REC114: variants seen among roughly 807,000 people sequenced by gnomAD.
REC114 encodes REC114 meiotic recombination protein.
A neutral mutation model predicts 31.3 loss-of-function variants in REC114; 27 were observed. The ratio of observed to expected loss-of-function variants is 0.86; its 90% CI spans 0.64 to 1.19. REC114 has a LOEUF of 1.19. Ranked by LOEUF, REC114 falls within the 50% of genes most tolerant of loss-of-function variation. The probability of loss-of-function intolerance (pLI) is 0.00; values close to 1 mark genes in which losing one functional copy is unlikely to be tolerated. For synonymous variants in REC114, 134 were observed against 127.7 expected, an observed-to-expected ratio of 1.05 and a Z score of -0.33; for missense variants, 344 against 326.9, an observed-to-expected ratio of 1.05 and a Z score of -0.40.
chr15:73,529,090 T>G (rs955094945), intron 2 of REC114, among the ~76,000 whole-genome samples: 5 of 152,024 alleles, frequency 3.3e-5, no homozygotes, highest in African/African-American at 1.2e-4. Context: ...ATTTTGTGAT[T>G]ATATTTTAAG....
At chr15:73,532,658 A>G (rs1005107803) in intron 2 of REC114, among the ~76,000 whole-genome samples, 11 of 152,194 alleles carry the variant, frequency 7.2e-5, no homozygotes, top group Admixed American at 7.2e-4. Flanking sequence ...AAGGCAGGCC[A>G]ACGTTCAGAT....
chr15:73,484,889 A>C (rs913911007), intron 2 of REC114, among the ~76,000 whole-genome samples: 5 of 152,284 alleles, frequency 3.3e-5, no homozygotes, highest in Non-Finnish European at 5.9e-5. Flanking sequence ...ACCCGGCCCA[A>C]ATGTTCTTCC....
intron 2 of REC114, among the ~76,000 whole-genome samples, chr15:73,507,425 ATTC>A (rs1406977449): frequency 2.0e-5 from 3 of 152,058 alleles, no homozygotes; most frequent in Admixed American, 6.6e-5. Flanking sequence ...GCCCAAGACA[ATTC>A]TTCTTCCAAG....
chr15:73,497,702 A>G lies in REC114; in HGVS notation c.249+23781A>G, dbSNP rs552700047. On this transcript the variant is annotated intron_variant, in intron 2 of 5. Transcript: ENST00000331090. Reference sequence around the variant, plus strand: ...GTAATATTGTCATTATTTTATTGCTAAATGCCACAATAGGTATTCAGAGAA... The same window carrying G: ...GTAATATTGTCATTATTTTATTGCTGAATGCCACAATAGGTATTCAGAGAA... 4.0e-4 allele frequency among the ~76,000 whole-genome samples: 61 copies of G among 152,344 alleles called. No homozygotes were observed. The South Asian group carries it at 5.6e-3, about 14-fold the overall frequency.
At chr15:73,481,809 C>T (rs565239056) in intron 2 of REC114, among the ~76,000 whole-genome samples, 2 of 151,982 alleles carry the variant, frequency 1.3e-5, no homozygotes, top group African/African-American at 4.8e-5. Flanking sequence ...CAGCTGCACA[C>T]CACCACGCCA....
chr15:73,469,238 C>T (rs1460238517), intron 1 of REC114, among the ~76,000 whole-genome samples: 1 of 152,042 alleles, frequency 6.6e-6, no homozygotes, highest in Non-Finnish European at 1.5e-5. Flanking sequence ...GTCTGTTTCC[C>T]CTTACAGTTC....
chr15:73,495,424 T>C (rs982805579), intron 2 of REC114, among the ~76,000 whole-genome samples: 1 of 151,898 alleles, frequency 6.6e-6, no homozygotes, highest in Admixed American at 6.6e-5. Flanking sequence ...TTACTAGTTA[T>C]CTCTGATATG....
At chr15:73,509,919 A>G (rs1355762165) in intron 2 of REC114, among the ~76,000 whole-genome samples, 4 of 151,596 alleles carry the variant, frequency 2.6e-5, no homozygotes, top group Non-Finnish European at 5.9e-5. Flanking sequence ...TGACTTGGCG[A>G]TGCAGGCTCT....
intron 2 of REC114, among the ~76,000 whole-genome samples, chr15:73,489,819 C>T (rs1320488203): frequency 1.3e-5 from 2 of 151,896 alleles, no homozygotes; most frequent in Non-Finnish European, 2.9e-5. Context: ...TATTTGCTTC[C>T]TAGCAGTCCT....
At chr15:73,536,453 G>A (rs1172813555) in intron 2 of REC114, among the ~76,000 whole-genome samples, 1 of 152,140 alleles carries the variant, frequency 6.6e-6, no homozygotes, top group African/African-American at 2.4e-5. Flanking sequence ...GGCCAGCTGT[G>A]GTAGGAGCTC....
intron 2 of REC114, among the ~76,000 whole-genome samples, chr15:73,496,463 G>T (rs907687440): frequency 2.0e-5 from 3 of 151,132 alleles, no homozygotes; most frequent in Non-Finnish European, 2.9e-5. Context: ...GACCACCCTG[G>T]CCAACATGGC....
At position 73,496,351 on chromosome 15, in the gene REC114, CAAAAAAAAAAAA is replaced by C. The variant is rs539098846; in HGVS notation, c.249+22446_249+22457del. On this transcript the variant is annotated intron_variant, in intron 2 of 5. Transcript: ENST00000331090. Reference sequence around the variant, plus strand: ...CTGGTGACAGAGCAAGACTCCTTCTCAAAAAAAAAAAAAAAAAAAAAAAAAAAGTTGCAAAAG... The same window carrying C: ...CTGGTGACAGAGCAAGACTCCTTCTCAAAAAAAAAAAAAAAGTTGCAAAAG... 9.7e-4 allele frequency among the ~76,000 whole-genome samples: 20 copies of C among 20,514 alleles called. No individual in the cohort carries two copies. The East Asian group carries it at 0.02, about 21-fold the overall frequency. The allele number at this position is 20,514 out of a possible 152,430, so 13.5% of individuals were successfully genotyped here. A position where few individuals can be genotyped will look rare whatever the true frequency, so the allele number is the denominator to read the frequency against.
intron 2 of REC114, among the ~76,000 whole-genome samples, chr15:73,520,435 T>C (rs1893921082): frequency 6.6e-6 from 1 of 152,176 alleles, no homozygotes; most frequent in Admixed American, 6.5e-5. Flanking sequence ...TTCACCATGT[T>C]GGCCAGGCTG....
chr15:73,556,287 G>A lies in REC114; in HGVS notation c.547-15G>A. The A allele has an allele frequency of 1.2e-6, 2 of 1,608,784 alleles. No individual in the cohort carries two copies. Among genetic ancestry groups the A allele is most frequent in the Non-Finnish European group, 8.5e-7 (1 of 1,177,560 alleles). On this transcript the variant is annotated splice_polypyrimidine_tract_variant and intron_variant, in intron 4 of 5. Transcript: ENST00000331090. ...CATTCAGCTAGTCTCCTTATTGCAT[G>A]TTGTTTTATTCCAGTCCCACCAGCA...
intron 1 of REC114, among the ~76,000 whole-genome samples, chr15:73,471,887 C>A (rs1893137940): frequency 6.6e-6 from 1 of 152,068 alleles, no homozygotes; most frequent in South Asian, 2.1e-4. Context: ...TCAAATAATT[C>A]TTTATGATTC....
At chr15:73,477,848 C>T (rs2141295237) in intron 2 of REC114, among the ~76,000 whole-genome samples, 1 of 151,986 alleles carries the variant, frequency 6.6e-6, no homozygotes, top group South Asian at 2.1e-4. Context: ...GTCCTTCTTT[C>T]CCACAATTAA....
chr15:73,526,037 G>A (rs1472059690), intron 2 of REC114, among the ~76,000 whole-genome samples: 2 of 152,114 alleles, frequency 1.3e-5, no homozygotes, highest in Admixed American at 6.5e-5. Context: ...ATTCAGGATT[G>A]TTACGTTTTC....
intron 1 of REC114, among the ~76,000 whole-genome samples, chr15:73,471,597 C>A (rs1261456339): frequency 6.6e-6 from 1 of 151,604 alleles, no homozygotes; most frequent in African/African-American, 2.4e-5. Context: ...ATTTGGAGGG[C>A]AAGAGAGTAG....
At chr15:73,506,744 C>G (rs757236862) in intron 2 of REC114, among the ~76,000 whole-genome samples, 1 of 152,118 alleles carries the variant, frequency 6.6e-6, no homozygotes, top group Non-Finnish European at 1.5e-5. Context: ...GCAAATAACT[C>G]TATCAAACTT....
Sources: allele counts gnomAD v4.1 joint callset (sites outside exome capture counted in the v4.1 genomes callset), GRCh38; gene constraint gnomAD v4.1.1; transcripts MANE v1.5; gene names NCBI Gene and HGNC (gene_info 2026-07-23, HGNC 2026-07-21).